Variants in BCAT1 observed in about 807,000 individuals in gnomAD.
BCAT1 encodes branched-chain-amino-acid aminotransferase, cytosolic.
A neutral mutation model predicts 52.4 loss-of-function variants in BCAT1; 48 were observed. The observed-to-expected ratio is 0.92, with a 90% confidence interval of 0.73 to 1.16. The LOEUF is 1.16. Ranked by LOEUF, BCAT1 falls within the 50% of genes most tolerant of loss-of-function variation. BCAT1 has a pLI of 0.00. For missense variants in BCAT1, 451 were observed against 457.1 expected, an observed-to-expected ratio of 0.99 and a Z score of 0.12; for synonymous variants, 167 against 161.3, an observed-to-expected ratio of 1.04 and a Z score of -0.27.
At chr12:24,903,260 G>T in intron 1 of BCAT1, 1 of 524,740 alleles carries the variant, frequency 1.9e-6, no homozygotes, top group Non-Finnish European at 2.9e-6. Flanking sequence ...GCTTGCGGAG[G>T]CCCGAGAATG....
intron 5 of BCAT1, among the ~76,000 whole-genome samples, chr12:24,871,703 G>A (rs919602116): frequency 3.9e-5 from 6 of 152,116 alleles, no homozygotes; most frequent in Non-Finnish European, 7.3e-5. Context: ...ATAACCTGGT[G>A]TACCTAAACT....
chr12:24,905,403 T>C (rs1943209792), intron 1 of BCAT1, among the ~76,000 whole-genome samples: 1 of 152,186 alleles, frequency 6.6e-6, no homozygotes, highest in African/African-American at 2.4e-5. Flanking sequence ...GGGAGAGAAG[T>C]TAATTGAACC....
intron 1 of BCAT1, chr12:24,904,147 G>C (rs1032566826): frequency 1.3e-5 from 2 of 152,300 alleles, no homozygotes; most frequent in Admixed American, 1.3e-4. Context: ...GGCAGGTCAC[G>C]TACCACCATA....
At chr12:24,910,362 G>A (rs780062039) in intron 1 of BCAT1, among the ~76,000 whole-genome samples, 2 of 151,288 alleles carry the variant, frequency 1.3e-5, no homozygotes, top group Non-Finnish European at 1.5e-5. Flanking sequence ...GGGTGACATA[G>A]CGAGACTCTG....
At position 24,836,552 on chromosome 12, in the gene BCAT1, C is replaced by G. The variant is rs1338767381; in HGVS notation, c.862G>C (p.Gly288Arg). The G allele has an allele frequency of 6.2e-7, 1 of 1,613,166 alleles. No individual in the cohort carries two copies. Among genetic ancestry groups the G allele is most frequent in the Non-Finnish European group, 8.5e-7 (1 of 1,179,620 alleles). ...TPPLDGIILP[G>R]VTRRCILDLA... is the part of the protein sequence containing the mutation. ...TCCAGAATGCACCGCCTTGTCACTC[C>G]TGGAAGAATGATGCCATCTAGTGGA... Residue 288 changes from glycine (G) to arginine (R), a missense_variant, in exon 8 of 11, where the codon GGA becomes CGA. Transcript: ENST00000261192.
chr12:24,849,470 C>T (rs1358547995), intron 6 of BCAT1, among the ~76,000 whole-genome samples: 2 of 152,182 alleles, frequency 1.3e-5, no homozygotes, highest in South Asian at 2.1e-4. Context: ...TCCAAAGCAC[C>T]GATGTGATGC....
intron 5 of BCAT1, among the ~76,000 whole-genome samples, chr12:24,866,395 G>T (rs912852164): frequency 4.6e-5 from 7 of 152,220 alleles, no homozygotes; most frequent in Admixed American, 6.5e-5. Flanking sequence ...ACCGCTGTGG[G>T]ATCCTGTGCG....
chr12:24,842,896 T>A (rs1365233151), intron 6 of BCAT1, among the ~76,000 whole-genome samples: 1 of 152,212 alleles, frequency 6.6e-6, no homozygotes, highest in African/African-American at 2.4e-5. Context: ...CAATTTAGTG[T>A]TATAATACTT....
rs141951556 is a variant in BCAT1, at chr12:24,891,304, A to G, written c.279+2971T>C. On this transcript the variant is annotated intron_variant, in intron 3 of 10. Transcript: ENST00000261192. ...ATGGCAATGAAAGTGACCTCTGGTC[A>G]TCCTCACTGTTCATTATACACAAAT... is the stretch of plus-strand genomic sequence containing the variant. Among the ~76,000 whole-genome samples, 840 of 152,216 alleles carry G rather than the reference A, an allele frequency of 5.5e-3. 4 individuals are homozygous for G. The highest frequency in any genetic ancestry group is 0.02 in the African/African-American group (811 of 41,518).
chr12:24,904,358 A>G (rs988263848), intron 1 of BCAT1: 1 of 152,280 alleles, frequency 6.6e-6, no homozygotes, highest in Non-Finnish European at 1.5e-5. Context: ...CTGCGCCACC[A>G]CGCCGGGCTA....
At chr12:24,943,228 G>A (rs974139594) in intron 1 of BCAT1, among the ~76,000 whole-genome samples, 2 of 152,086 alleles carry the variant, frequency 1.3e-5, no homozygotes, top group East Asian at 1.9e-4. Flanking sequence ...GTGCAGTGAC[G>A]GATGCCTGTA....
intron 7 of BCAT1, among the ~76,000 whole-genome samples, chr12:24,836,908 G>GAAAGAAAGAA (rs63356762): frequency 3.3e-3 from 133 of 40,868 alleles, no homozygotes; most frequent in East Asian, 0.011. Flanking sequence ...AAAAGAAAGA[G>GAAAGAAAGAA]AGAAAGAAAG....
intron 1 of BCAT1, 169 bp from the exon 2 acceptor site, chr12:24,902,054 G>T: frequency 9.1e-6 from 14 of 1,537,656 alleles, no homozygotes; most frequent in Non-Finnish European, 1.2e-5. Context: ...TCCAACAAGC[G>T]TGTCTTGGGA....
chr12:24,868,367 T>C (rs776184733), intron 5 of BCAT1, among the ~76,000 whole-genome samples: 1 of 152,050 alleles, frequency 6.6e-6, no homozygotes, highest in Non-Finnish European at 1.5e-5. Flanking sequence ...TGTGCCAAAA[T>C]GAAAAGATCT....
At chr12:24,921,441 G>A (rs1454212345) in intron 1 of BCAT1, among the ~76,000 whole-genome samples, 1 of 152,148 alleles carries the variant, frequency 6.6e-6, no homozygotes, top group Admixed American at 6.5e-5. Context: ...CCTCCAGTGA[G>A]TTAAAACATA....
chr12:24,939,186 T>G (rs1170029971), intron 1 of BCAT1, among the ~76,000 whole-genome samples: 1 of 152,214 alleles, frequency 6.6e-6, no homozygotes, highest in Non-Finnish European at 1.5e-5. Flanking sequence ...CTTTGCTTTT[T>G]ATGTATATCT....
At chr12:24,906,517 G>T (rs184033841) in intron 1 of BCAT1, among the ~76,000 whole-genome samples, 2 of 152,122 alleles carry the variant, frequency 1.3e-5, no homozygotes, top group Non-Finnish European at 2.9e-5. Context: ...AGTTTTCTCC[G>T]CTGTAAAATG....
chr12:24,818,745 T>C lies in BCAT1; in HGVS notation c.1120-696A>G, dbSNP rs528684449. 5.6e-4 allele frequency among the ~76,000 whole-genome samples: 85 copies of C among 152,322 alleles called. 1 individual carries two copies. Among genetic ancestry groups the C allele is most frequent in the Non-Finnish European group, 9.0e-4 (61 of 68,026 alleles). Reference sequence around the variant, plus strand: ...TATGTAACTGTATCATAGTCAGAATTTCATTCTTTGCATCAGCAAATACTT... The same window carrying C: ...TATGTAACTGTATCATAGTCAGAATCTCATTCTTTGCATCAGCAAATACTT... On this transcript the variant is annotated intron_variant, in intron 10 of 10. Coordinates refer to ENST00000261192, the MANE Select transcript of BCAT1 (RefSeq NM_005504.7).
chr12:24,832,987 G>A (rs779832590), intron 8 of BCAT1, 124 bp from the exon 9 acceptor site: 1 of 1,081,104 alleles, frequency 9.2e-7, no homozygotes, highest in Non-Finnish European at 1.3e-6. Flanking sequence ...CATCCTTTAA[G>A]GGAAAGCTGG....
Sources: allele counts gnomAD v4.1 joint callset (sites outside exome capture counted in the v4.1 genomes callset), GRCh38; gene constraint gnomAD v4.1.1; transcripts MANE v1.5; gene names NCBI Gene and HGNC (gene_info 2026-07-23, HGNC 2026-07-21).